Variants in OR51B5 observed in about 807,000 individuals in gnomAD.
OR51B5 encodes olfactory receptor family 51 subfamily B member 5, also known as olfactory receptor 51B5.
For synonymous variants in OR51B5, 186 were observed against 144.8 expected (o/e 1.28, Z -2.04); for missense variants, 456 against 374.6 (o/e 1.22, Z -1.79).
At chr11:5,440,996 G>A in intron 1 of OR51B5, 6 of 1,613,968 alleles carry the variant, frequency 3.7e-6, no homozygotes, top group Non-Finnish European at 4.2e-6. Flanking sequence ...GCAAAACATT[G>A]CCTTTGCAGA....
chr11:5,348,877 G>A (rs945338966), intron 1 of OR51B5, among the ~76,000 whole-genome samples: 2 of 151,942 alleles, frequency 1.3e-5, no homozygotes, highest in African/African-American at 4.8e-5. Flanking sequence ...AATAGCCAAA[G>A]GTAAGGGGGT....
At chr11:5,378,681 C>T (rs1202100033) in intron 1 of OR51B5, among the ~76,000 whole-genome samples, 2 of 152,190 alleles carry the variant, frequency 1.3e-5, no homozygotes, top group East Asian at 1.9e-4. Context: ...CAAAAGAAAA[C>T]ATTTATGCAA....
chr11:5,478,507 T>A (rs1306747664), intron 1 of OR51B5, among the ~76,000 whole-genome samples: 3 of 149,520 alleles, frequency 2.0e-5, no homozygotes, highest in Non-Finnish European at 3.0e-5. Flanking sequence ...CAAAGCTGGA[T>A]GGAGAATGAC....
At chr11:5,485,436 A>G (rs986700318) in intron 1 of OR51B5, among the ~76,000 whole-genome samples, 2 of 152,224 alleles carry the variant, frequency 1.3e-5, no homozygotes, top group African/African-American at 2.4e-5. Flanking sequence ...TGCCGTCAGC[A>G]TAAGCACCTG....
At chr11:5,491,378 A>C (rs1187079707) in intron 1 of OR51B5, among the ~76,000 whole-genome samples, 1 of 152,232 alleles carries the variant, frequency 6.6e-6, no homozygotes, top group Non-Finnish European at 1.5e-5. Flanking sequence ...GAGAGCTCCT[A>C]GTTCAGTTGT....
chr11:5,424,995 AAAG>A (rs201312470), intron 1 of OR51B5, among the ~76,000 whole-genome samples: 16,713 of 144,146 alleles, frequency 0.12, 1,260 homozygotes, highest in East Asian at 0.23. Flanking sequence ...AAAAAAAAAA[AAAG>A]AAGTGAAAGG....
intron 1 of OR51B5, among the ~76,000 whole-genome samples, chr11:5,491,245 T>A (rs1460125160): frequency 6.6e-6 from 1 of 152,230 alleles, no homozygotes; most frequent in Non-Finnish European, 1.5e-5. Flanking sequence ...CTGAGGCTGT[T>A]CAGATACAGT....
chr11:5,351,656 A>C, intron 1 of OR51B5: 1 of 1,614,080 alleles, frequency 6.2e-7, no homozygotes, highest in Non-Finnish European at 8.5e-7. Flanking sequence ...ATCAGGAATG[A>C]TCATAACCTC....
chr11:5,440,424 A>C, intron 1 of OR51B5: 1 of 596,970 alleles, frequency 1.7e-6, no homozygotes, highest in South Asian at 2.3e-5. Context: ...TATGTATGCC[A>C]TTTTATAGTC....
chr11:5,404,722 A>G (rs992579116), intron 1 of OR51B5, among the ~76,000 whole-genome samples: 2 of 152,220 alleles, frequency 1.3e-5, no homozygotes, highest in African/African-American at 4.8e-5. Context: ...ACCTTTATGA[A>G]CTATAACACT....
intron 1 of OR51B5, among the ~76,000 whole-genome samples, chr11:5,405,776 T>A (rs1048320175): frequency 2.0e-5 from 3 of 152,176 alleles, no homozygotes; most frequent in Admixed American, 6.5e-5. Context: ...ATGGTGTGAG[T>A]CTGCCTCCAG....
intron 1 of OR51B5, among the ~76,000 whole-genome samples, chr11:5,354,210 T>C (rs1234079149): frequency 2.0e-5 from 3 of 152,234 alleles, no homozygotes; most frequent in Non-Finnish European, 4.4e-5. Flanking sequence ...GGGCAATGTA[T>C]ACTTAATCCT....
chr11:5,482,682 A>C (rs1189776293), intron 1 of OR51B5, among the ~76,000 whole-genome samples: 8 of 102,630 alleles, frequency 7.8e-5, no homozygotes, highest in Admixed American at 1.1e-4. Context: ...CAACCCCATC[A>C]AAAAGTGGGC....
intron 1 of OR51B5, among the ~76,000 whole-genome samples, chr11:5,412,298 G>T (rs972368348): frequency 3.3e-5 from 5 of 152,142 alleles, no homozygotes; most frequent in African/African-American, 9.7e-5. Context: ...AAAAAGCATC[G>T]AACCGGGAGG....
intron 1 of OR51B5, among the ~76,000 whole-genome samples, chr11:5,474,922 G>C (rs781765971): frequency 2.0e-5 from 3 of 152,136 alleles, no homozygotes; most frequent in African/African-American, 7.2e-5. Flanking sequence ...TAATGGAGAA[G>C]AACTAAAATA....
At chr11:5,504,896 G>T (rs1564835676) in intron 1 of OR51B5, among the ~76,000 whole-genome samples, 3 of 152,172 alleles carry the variant, frequency 2.0e-5, no homozygotes, top group African/African-American at 4.8e-5. Context: ...GCTAGAGCAA[G>T]GATTCCAAGC....
At chr11:5,454,987 C>T (rs1850928862) in intron 1 of OR51B5, 1 of 152,488 alleles carries the variant, frequency 6.6e-6, no homozygotes, top group Non-Finnish European at 1.5e-5. Flanking sequence ...CCTTTGCTTT[C>T]CCCACCACTG....
intron 1 of OR51B5, among the ~76,000 whole-genome samples, chr11:5,408,540 T>C (rs1161950061): frequency 1.3e-5 from 2 of 152,158 alleles, no homozygotes; most frequent in African/African-American, 2.4e-5. Flanking sequence ...TGACATCCAA[T>C]TGGTGGTCTG....
At chr11:5,405,986 T>C (rs771981187) in intron 1 of OR51B5, among the ~76,000 whole-genome samples, 5 of 152,208 alleles carry the variant, frequency 3.3e-5, no homozygotes, top group Non-Finnish European at 5.9e-5. Flanking sequence ...CAGTGATTAT[T>C]TCCTGAGATG....
Sources: allele counts gnomAD v4.1 joint callset (sites outside exome capture counted in the v4.1 genomes callset), GRCh38; gene constraint gnomAD v4.1.1; transcripts MANE v1.5; gene names NCBI Gene and HGNC (gene_info 2026-07-23, HGNC 2026-07-21).